DACH2: variants seen among roughly 807,000 people sequenced by gnomAD.
DACH2 encodes the protein dachshund family transcription factor 2.
A neutral mutation model predicts 35.8 loss-of-function variants in DACH2; 17 were observed. The ratio of observed to expected loss-of-function variants is 0.48; its 90% CI spans 0.33 to 0.71. The LOEUF (loss-of-function observed/expected upper bound fraction) is 0.71, where lower values mean the gene tolerates loss of function less well. DACH2 is among the 30% of genes least tolerant of loss of function. The probability of loss-of-function intolerance (pLI) is 0.02; values close to 1 mark genes in which losing one functional copy is unlikely to be tolerated. For missense variants in DACH2, 469 were observed against 472.7 expected (o/e 0.99, Z 0.07); for synonymous variants, 195 against 177.3 (o/e 1.10, Z -0.79).
intron 1 of DACH2, among the ~76,000 whole-genome samples, chrX:86,225,881 G>C (rs748747701): frequency 2.7e-5 from 3 of 111,606 alleles, no homozygotes; most frequent in East Asian, 2.8e-4. Context: ...TGAATGCCAT[G>C]ATGGCCAAAT....
In DACH2 at chrX:86,443,506, T is replaced by A. The variant is rs936242068; in HGVS notation, c.527+66644T>A. Among the ~76,000 whole-genome samples the A allele has an allele frequency of 6.9e-5, 5 of 72,966 alleles. No homozygotes were observed. The African/African-American group carries it at 7.8e-4, about 11-fold the overall frequency. The allele number at this position is 72,966 out of a possible 115,157, so 63.4% of individuals were successfully genotyped here. A position where few individuals can be genotyped will look rare whatever the true frequency, so the allele number is the denominator to read the frequency against. On this transcript the variant is annotated intron_variant, in intron 2 of 11. Transcript: ENST00000373125. ...TTCTACTTTTCCAATTTGAATGAAT[T>A]TTTTTTTTTTTTTCTGGTCTAGTTT...
intron 3 of DACH2, among the ~76,000 whole-genome samples, chrX:86,546,691 T>G (rs760421295): frequency 1.2e-4 from 13 of 105,998 alleles, no homozygotes; most frequent in Middle Eastern, 9.8e-3. Context: ...TTTTTTTGTA[T>G]TTTTAGTAGA....
intron 7 of DACH2, among the ~76,000 whole-genome samples, chrX:86,771,997 T>C (rs1317624383): frequency 8.9e-6 from 1 of 111,765 alleles, no homozygotes; most frequent in Non-Finnish European, 1.9e-5. Context: ...TGTAGTTAAG[T>C]TGCTAACAGT....
chrX:86,615,384 T>C (rs1023128459), intron 3 of DACH2, among the ~76,000 whole-genome samples: 4 of 111,592 alleles, frequency 3.6e-5, no homozygotes, highest in African/African-American at 6.5e-5. Flanking sequence ...ATAAAGTGAC[T>C]TTGTCAAAGT....
intron 1 of DACH2, among the ~76,000 whole-genome samples, chrX:86,169,622 T>A (rs996256783): frequency 9.1e-6 from 1 of 110,168 alleles, no homozygotes; most frequent in Admixed American, 9.7e-5. Flanking sequence ...AAATAGCCTG[T>A]CTTCAAGCTC....
At chrX:86,829,785 A>C (rs867241193) in intron 11 of DACH2, 2 of 112,183 alleles carry the variant, frequency 1.8e-5, no homozygotes, top group Non-Finnish European at 3.8e-5. Flanking sequence ...GTATGTATCA[A>C]ATTCCCCTTT....
rs777921859 is a variant in DACH2, at chrX:86,529,288, T to C, written c.640+14897T>C. On this transcript the variant is annotated intron_variant, in intron 3 of 11. Coordinates refer to ENST00000373125, the MANE Select transcript of DACH2 (RefSeq NM_053281.3). ...TTGAACTCCTGGCCTAAAGTGATCCTCCTGCCTCAGCCTCCCAAAGTGCTG... is the reference window on the plus strand; with the variant it reads ...TTGAACTCCTGGCCTAAAGTGATCCCCCTGCCTCAGCCTCCCAAAGTGCTG... Among the ~76,000 whole-genome samples, 275 of 110,862 alleles carry C rather than the reference T, an allele frequency of 2.5e-3. 3 individuals carry two copies. The highest frequency in any genetic ancestry group is 3.9e-3 in the Non-Finnish European group (204 of 52,952).
At chrX:86,571,266 C>A (rs1179494180) in intron 3 of DACH2, among the ~76,000 whole-genome samples, 1 of 110,056 alleles carries the variant, frequency 9.1e-6, no homozygotes, top group Non-Finnish European at 1.9e-5. Flanking sequence ...ATTTCTGGAC[C>A]CTCTATTAGG....
chrX:86,495,894 A>G (rs940011267), intron 2 of DACH2, among the ~76,000 whole-genome samples: 1 of 111,495 alleles, frequency 9.0e-6, no homozygotes, highest in Non-Finnish European at 1.9e-5. Context: ...TCTTTTCTAA[A>G]AAATGGAACA....
chrX:86,297,750 A>C (rs1477365582), intron 1 of DACH2, among the ~76,000 whole-genome samples: 2 of 112,321 alleles, frequency 1.8e-5, no homozygotes, highest in Non-Finnish European at 1.9e-5. Context: ...GGATAAAGTA[A>C]AAATATTTCC....
At chrX:86,618,385 A>G (rs1372170078) in intron 3 of DACH2, among the ~76,000 whole-genome samples, 2 of 112,441 alleles carry the variant, frequency 1.8e-5, no homozygotes, top group East Asian at 5.6e-4. Flanking sequence ...AAGAATGGAA[A>G]GAGTCACAAT....
intron 11 of DACH2, among the ~76,000 whole-genome samples, chrX:86,816,395 G>A (rs769384409): frequency 3.5e-4 from 39 of 111,402 alleles, no homozygotes; most frequent in Non-Finnish European, 6.4e-4. Context: ...TGTATGTCAG[G>A]CATATTCTAA....
chrX:86,302,832 A>G (rs1376751893), intron 1 of DACH2, among the ~76,000 whole-genome samples: 1 of 110,253 alleles, frequency 9.1e-6, no homozygotes, highest in Non-Finnish European at 1.9e-5. Context: ...TTAGGAATTC[A>G]TTGGTAATAT....
At chrX:86,239,365 A>T (rs1461826352) in intron 1 of DACH2, among the ~76,000 whole-genome samples, 2 of 111,516 alleles carry the variant, frequency 1.8e-5, no homozygotes. Context: ...CATTTTAGAT[A>T]CTACCACCTG....
Position 86,184,293 on chromosome X carries a change from C to T in DACH2, c.488+35185C>T, listed in dbSNP as rs1040549181. 3.2e-5 allele frequency: 5 copies of T among 157,276 alleles called. No homozygotes were observed. In the East Asian group the frequency reaches 7.9e-4, roughly 25 times the overall value. The allele number at this position is 157,276 out of a possible 1,213,427, so 13.0% of individuals were successfully genotyped here. On this transcript the variant is annotated intron_variant, in intron 1 of 11. Coordinates refer to ENST00000373125, the MANE Select transcript of DACH2 (RefSeq NM_053281.3). ...TGTGATCTTGGCTCGCTGCAACTTCCGCCTCCCAGGTTCAAGGGATTCTTG... is the reference window on the plus strand; with the variant it reads ...TGTGATCTTGGCTCGCTGCAACTTCTGCCTCCCAGGTTCAAGGGATTCTTG...
At chrX:86,744,037 G>A (rs1315647237) in intron 7 of DACH2, among the ~76,000 whole-genome samples, 1 of 111,185 alleles carries the variant, frequency 9.0e-6, no homozygotes, top group Non-Finnish European at 1.9e-5. Flanking sequence ...AGTCAAAATG[G>A]CATTTGGGAC....
chrX:86,497,758 C>A (rs940578298), intron 2 of DACH2, among the ~76,000 whole-genome samples: 2 of 111,790 alleles, frequency 1.8e-5, no homozygotes, highest in Admixed American at 1.9e-4. Context: ...CTTTGGGAGG[C>A]TGAGGTGGGC....
At chrX:86,182,934 G>C (rs2031547151) in intron 1 of DACH2, among the ~76,000 whole-genome samples, 2 of 111,468 alleles carry the variant, frequency 1.8e-5, no homozygotes, top group South Asian at 7.6e-4. Flanking sequence ...TCTTTTTGTA[G>C]CAATTGTGAA....
intron 1 of DACH2, among the ~76,000 whole-genome samples, chrX:86,190,450 T>C (rs919042481): frequency 2.7e-5 from 3 of 112,013 alleles, no homozygotes; most frequent in African/African-American, 9.7e-5. Flanking sequence ...AATCAAGGTG[T>C]GTTCTTTCTT....
Sources: gnomAD v4.1 joint callset for allele counts (sites outside exome capture counted in the v4.1 genomes callset) on GRCh38, gnomAD v4.1.1 for gene constraint, MANE v1.5 for transcripts, NCBI Gene and HGNC (gene_info 2026-07-23, HGNC 2026-07-21) for gene names.